Variants in ADAM17 observed in about 807,000 individuals in gnomAD.
ADAM17 encodes ADAM metallopeptidase domain 17, also known as disintegrin and metalloproteinase domain-containing protein 17.
ADAM17 carries 39 observed loss-of-function variants against 96.7 expected under a neutral mutation model. The ratio of observed to expected loss-of-function variants is 0.40; its 90% confidence interval spans 0.31 to 0.53. The LOEUF (loss-of-function observed/expected upper bound fraction) is 0.53, where lower values mean the gene tolerates loss of function less well. ADAM17 is among the 20% of genes least tolerant of loss of function. The pLI is 0.44. For missense variants in ADAM17, 777 were observed against 1,013.2 expected (o/e 0.77, Z 3.17); for synonymous variants, 344 against 359.2 (o/e 0.96, Z 0.48).
intron 6 of ADAM17, 106 bp from the exon 7 acceptor site, chr2:9,523,444 T>C (rs1221323537): frequency 1.1e-4 from 104 of 983,990 alleles, no homozygotes; most frequent in Middle Eastern, 6.5e-4. Flanking sequence ...TTAGAGGCCA[T>C]TGCAAAAGTT....
At chr2:9,495,321 T>G (rs1487162227) in intron 14 of ADAM17, among the ~76,000 whole-genome samples, 2 of 152,254 alleles carry the variant, frequency 1.3e-5, no homozygotes, top group African/African-American at 2.4e-5. Context: ...CTGTGAGCCA[T>G]GTGGGCATAC....
intron 1 of ADAM17, among the ~76,000 whole-genome samples, chr2:9,543,818 TAC>T (rs1665308802): frequency 6.6e-6 from 1 of 152,170 alleles, no homozygotes. Context: ...GTTACAAAAA[TAC>T]AGTTTGATTA....
chr2:9,546,600 T>C (rs759247642), intron 1 of ADAM17, among the ~76,000 whole-genome samples: 87 of 152,242 alleles, frequency 5.7e-4, no homozygotes, highest in Admixed American at 1.8e-3. Flanking sequence ...CTTATCCATA[T>C]CCAATTCTCT....
intron 4 of ADAM17, among the ~76,000 whole-genome samples, chr2:9,528,511 G>T (rs1225766248): frequency 2.0e-5 from 3 of 152,124 alleles, no homozygotes; most frequent in African/African-American, 7.2e-5. Flanking sequence ...TTCAGCGAAC[G>T]CAGTTTTTAA....
At chr2:9,506,359 GTTTTTTTTT>G (rs769256744) in intron 11 of ADAM17, among the ~76,000 whole-genome samples, 6 of 73,208 alleles carry the variant, frequency 8.2e-5, no homozygotes, top group African/African-American at 2.3e-4. Context: ...CTTCAAATCT[GTTTTTTTTT>G]TTTTTTTTTT....
chr2:9,527,916 T>G lies in ADAM17; in HGVS notation c.489A>C (p.Arg163Ser), dbSNP rs752833089. ...TATCTTCAGATTTATAAACTAACAT[T>G]CTTTTGTCTTTGGTATCATTAACAA... ...WRFVNDTKDK[R>S]MLVYKSEDIK... Residue 163 changes from arginine (R) to serine (S), a missense_variant, in exon 5 of 19, where the codon AGA becomes AGC. By Grantham distance (110) the Arg-to-Ser change is moderately radical (BLOSUM62 -1). Around this residue, in one of 3 missense-constraint regions of ADAM17, gnomAD observed 446 missense variants for 664.7 expected, o/e 0.67. Coordinates refer to ENST00000310823, the MANE Select transcript of ADAM17 (RefSeq NM_003183.6). The G allele has an allele frequency of 1.9e-6, 3 of 1,585,822 alleles. No individual in the cohort carries two copies. The South Asian group carries it at 3.5e-5, about 19-fold the overall frequency.
In ADAM17 at chr2:9,553,767, A is replaced by C. The variant is rs566720563; in HGVS notation, c.97+1742T>G. Among the ~76,000 whole-genome samples the C allele has an allele frequency of 4.6e-5, 7 of 152,194 alleles. No individual in the cohort carries two copies. The South Asian group carries it at 1.5e-3, about 32-fold the overall frequency. On this transcript the variant is annotated intron_variant, in intron 1 of 18. Transcript: ENST00000310823. ...ACAGGTGGTCTGCATTTTGCAAATAAAAAACAAACACATGGGCCAGGAGCG... is the reference window on the plus strand; with the variant it reads ...ACAGGTGGTCTGCATTTTGCAAATACAAAACAAACACATGGGCCAGGAGCG...
At position 9,555,738 on chromosome 2, in the gene ADAM17, G is replaced by T; in HGVS notation, c.-133C>A. The T allele has an allele frequency of 1.4e-6, 1 of 700,458 alleles. No homozygotes were observed. Among genetic ancestry groups the T allele is most frequent in the East Asian group, 3.2e-5 (1 of 30,932 alleles). 43.4% of individuals were successfully genotyped at this position (700,458 alleles called of 1,614,324 possible). On this transcript the variant is annotated 5_prime_UTR_variant, in exon 1 of 19. Coordinates refer to ENST00000310823, the MANE Select transcript of ADAM17 (RefSeq NM_003183.6). The stretch of plus-strand genomic sequence containing the variant: ...TCAATCCTCTTTTCCCTCCCGCGCC[G>T]CCTACTGGGAAGATTCTACCGCCAG...
chr2:9,491,010 G>T, intron 18 of ADAM17, 91 bp downstream of exon 18: 1 of 1,176,524 alleles, frequency 8.5e-7, no homozygotes, highest in Non-Finnish European at 1.2e-6. Flanking sequence ...CCATCAGCCA[G>T]TGAAAGCTCT....
In ADAM17 at chr2:9,523,328, A is replaced by G. The variant is rs2125023419; in HGVS notation, c.764T>C (p.Ile255Thr). Residue 255 changes from isoleucine (I) to threonine (T), a missense_variant, in exon 7 of 19, where the codon ATT becomes ACT. Ile to Thr is a moderately conservative substitution (Grantham distance 89, BLOSUM62 -1). Coordinates refer to ENST00000310823, the MANE Select transcript of ADAM17 (RefSeq NM_003183.6). ...CCGATAGATGTCATCAACTCTGTCA[A>G]TTAGCTCTATCTGTGTGTATTTAAA... ...STTTNYLIEL[I>T]DRVDDIYRNT... is the part of the protein sequence containing the mutation. 2 of 1,611,650 alleles carry G rather than the reference A, an allele frequency of 1.2e-6. No homozygotes were observed. The highest frequency in any genetic ancestry group is 1.1e-5 in the South Asian group (1 of 91,010).
At chr2:9,546,633 C>A (rs1250532343) in intron 1 of ADAM17, among the ~76,000 whole-genome samples, 2 of 152,124 alleles carry the variant, frequency 1.3e-5, no homozygotes, top group Non-Finnish European at 2.9e-5. Flanking sequence ...GTATAAACCA[C>A]CTGCTTCTGA....
intron 17 of ADAM17, 106 bp downstream of exon 17, chr2:9,492,792 G>A (rs769586899): frequency 3.3e-6 from 3 of 921,398 alleles, no homozygotes; most frequent in Non-Finnish European, 4.7e-6. Flanking sequence ...GGAAATATCA[G>A]GCCAAACTTT....
rs1051660355 is a variant in ADAM17 at position 9,521,152 on chromosome 2, T to C, written c.957+51A>G. 4.3e-6 allele frequency: 6 copies of C among 1,381,502 alleles called. No individual in the cohort carries two copies. In the African/African-American group the frequency reaches 5.7e-5, roughly 13 times the overall value. 85.6% of individuals were successfully genotyped at this position (1,381,502 alleles called of 1,614,324 possible). A position where few individuals can be genotyped will look rare whatever the true frequency, so the allele number is the denominator to read the frequency against. On this transcript the variant is annotated intron_variant, in intron 8 of 18. Coordinates refer to ENST00000310823, the MANE Select transcript of ADAM17 (RefSeq NM_003183.6). ...CATTAAAACACATACAATCCACATA[T>C]CAGAAATGACAAAGTGGTGTTAGCA...
At position 9,491,879 on chromosome 2, in the gene ADAM17, C is replaced by T. The variant is rs542650455; in HGVS notation, c.2083-728G>A. On this transcript the variant is annotated intron_variant, in intron 17 of 18. Coordinates refer to ENST00000310823, the MANE Select transcript of ADAM17 (RefSeq NM_003183.6). ...AAGGGTCGTGCCTTGTCCACATGTG[C>T]AACTTCCCTGTAAACAAAATAGGTT... Among the ~76,000 whole-genome samples, 12 of 152,348 alleles carry T rather than the reference C, an allele frequency of 7.9e-5. No homozygotes were observed. In the East Asian group the frequency reaches 2.1e-3, roughly 27 times the overall value.
At chr2:9,531,257 G>C (rs918757831) in intron 4 of ADAM17, among the ~76,000 whole-genome samples, 2 of 150,746 alleles carry the variant, frequency 1.3e-5, no homozygotes, top group Non-Finnish European at 3.0e-5. Flanking sequence ...TGCACCAGCT[G>C]AACATTTTTA....
At chr2:9,519,376 T>C (rs190121688) in intron 8 of ADAM17, among the ~76,000 whole-genome samples, 41 of 152,272 alleles carry the variant, frequency 2.7e-4, no homozygotes, top group African/African-American at 9.1e-4. Flanking sequence ...ATAAGTCATT[T>C]TTCTCTTTGG....
intron 2 of ADAM17, among the ~76,000 whole-genome samples, chr2:9,540,156 A>T (rs1665150193): frequency 6.6e-6 from 1 of 152,216 alleles, no homozygotes; most frequent in African/African-American, 2.4e-5. Flanking sequence ...GGCCACTTCA[A>T]ATCCAAAGAA....
intron 2 of ADAM17, among the ~76,000 whole-genome samples, chr2:9,542,093 T>C (rs1665227905): frequency 6.6e-6 from 1 of 152,198 alleles, no homozygotes; most frequent in Non-Finnish European, 1.5e-5. Context: ...TGTTTTTTGA[T>C]ACTGAATAAA....
intron 10 of ADAM17, among the ~76,000 whole-genome samples, chr2:9,512,835 C>G (rs923169666): frequency 6.6e-6 from 1 of 152,062 alleles, no homozygotes; most frequent in African/African-American, 2.4e-5. Flanking sequence ...AGAGAGCTTC[C>G]AGAGAGCATT....
Sources: allele counts gnomAD v4.1 joint callset (sites outside exome capture counted in the v4.1 genomes callset), GRCh38; gene constraint gnomAD v4.1.1; regional missense constraint gnomAD v4.1.1; transcripts MANE v1.5; gene names NCBI Gene and HGNC (gene_info 2026-07-23, HGNC 2026-07-21).